The following NCK2 variants were observed in gnomAD, a reference collection of about 807,000 sequenced individuals.
The protein encoded by NCK2 is cytoplasmic protein NCK2.
A neutral mutation model predicts 33.9 loss-of-function variants in NCK2; 16 were observed. The ratio of observed to expected loss-of-function variants is 0.47; its 90% CI spans 0.32 to 0.72. The LOEUF (loss-of-function observed/expected upper bound fraction) is 0.72. NCK2 is among the 30% of genes least tolerant of loss of function. NCK2 has a pLI of 0.03. For synonymous variants in NCK2, 273 were observed against 239.9 expected (o/e 1.14, Z -1.27); for missense variants, 418 against 537.3 (o/e 0.78, Z 2.19).
intron 1 of NCK2, among the ~76,000 whole-genome samples, chr2:105,768,722 A>G (rs1031378125): frequency 2.0e-5 from 3 of 152,146 alleles, no homozygotes; most frequent in East Asian, 1.9e-4. Context: ...AGTGTATTTT[A>G]TGTATGGCCC....
intron 3 of NCK2, among the ~76,000 whole-genome samples, chr2:105,880,335 C>T (rs1347294757): frequency 6.6e-6 from 1 of 152,140 alleles, no homozygotes; most frequent in East Asian, 1.9e-4. Context: ...AAAAAATTTG[C>T]CTTCGATTGA....
intron 1 of NCK2, among the ~76,000 whole-genome samples, chr2:105,748,355 T>A (rs574286613): frequency 1.3e-5 from 2 of 152,302 alleles, no homozygotes; most frequent in South Asian, 4.1e-4. Context: ...GTGTCCCTGA[T>A]TTGTCATCTG....
chr2:105,839,486 G>A (rs766031821), intron 2 of NCK2, among the ~76,000 whole-genome samples: 1 of 152,088 alleles, frequency 6.6e-6, no homozygotes, highest in Non-Finnish European at 1.5e-5. Context: ...AGAGCTTGAG[G>A]GATGAGTCTC....
intron 1 of NCK2, among the ~76,000 whole-genome samples, chr2:105,809,681 T>C (rs1353092823): frequency 6.6e-6 from 1 of 152,226 alleles, no homozygotes; most frequent in African/African-American, 2.4e-5. Context: ...GCAGATGGGA[T>C]GCACTTCATG....
intron 1 of NCK2, among the ~76,000 whole-genome samples, chr2:105,755,748 A>G (rs972550049): frequency 7.2e-5 from 11 of 152,204 alleles, no homozygotes; most frequent in African/African-American, 2.7e-4. Flanking sequence ...AGTTTTGCCT[A>G]ATCAAAGACA....
chr2:105,808,576 C>T (rs768295726), intron 1 of NCK2, among the ~76,000 whole-genome samples: 32 of 152,146 alleles, frequency 2.1e-4, no homozygotes, highest in Non-Finnish European at 4.1e-4. Context: ...ACTACAAATG[C>T]CAGGGCTGGG....
intron 3 of NCK2, among the ~76,000 whole-genome samples, chr2:105,863,345 C>A (rs1442293447): frequency 2.6e-5 from 4 of 152,076 alleles, no homozygotes; most frequent in Admixed American, 2.6e-4. Context: ...TCGTGGAAGC[C>A]GAGTCTAAGC....
intron 1 of NCK2, among the ~76,000 whole-genome samples, chr2:105,751,597 C>T (rs866989369): frequency 3.3e-5 from 5 of 152,146 alleles, no homozygotes; most frequent in South Asian, 2.1e-4. Context: ...TGATGGTTTG[C>T]TAATTGTGAT....
intron 1 of NCK2, among the ~76,000 whole-genome samples, chr2:105,802,444 C>T (rs1032567750): frequency 1.3e-5 from 2 of 152,152 alleles, no homozygotes; most frequent in African/African-American, 4.8e-5. Context: ...ATTTGGTTCA[C>T]GGTTCTGCAG....
chr2:105,865,596 GGGA>G (rs1345035047), intron 3 of NCK2, among the ~76,000 whole-genome samples: 26 of 152,190 alleles, frequency 1.7e-4, no homozygotes, highest in African/African-American at 6.0e-4. Flanking sequence ...CTGGACCCTA[GGGA>G]TTCACGTCTT....
intron 3 of NCK2, 68 bp from the exon 4 acceptor site, chr2:105,881,260 C>G (rs770084359): frequency 2.7e-6 from 4 of 1,509,396 alleles, no homozygotes; most frequent in Admixed American, 2.1e-5. Context: ...CGTGGAAATC[C>G]CGGTAGGCTA....
At chr2:105,832,361 G>T (rs546017897) in intron 2 of NCK2, among the ~76,000 whole-genome samples, 15 of 152,074 alleles carry the variant, frequency 9.9e-5, no homozygotes, top group Non-Finnish European at 1.8e-4. Context: ...ACAATACATT[G>T]AATAAGAGTC....
chr2:105,791,343 C>T (rs151211966), intron 1 of NCK2, among the ~76,000 whole-genome samples: 69 of 152,258 alleles, frequency 4.5e-4, no homozygotes, highest in Middle Eastern at 6.8e-3. Flanking sequence ...TGTGCCTTCA[C>T]GTTTTTCTCT....
chr2:105,790,836 C>T (rs1222874368), intron 1 of NCK2, among the ~76,000 whole-genome samples: 1 of 152,182 alleles, frequency 6.6e-6, no homozygotes, highest in African/African-American at 2.4e-5. Flanking sequence ...GGCCTTTGAG[C>T]TGTGCCCGAA....
intron 2 of NCK2, among the ~76,000 whole-genome samples, chr2:105,835,393 A>ATATGTATATATGTG (rs1553458580): frequency 1.9e-5 from 1 of 51,674 alleles, no homozygotes. Flanking sequence ...ATACACATAT[A>ATATGTATATATGTG]TATATATATA....
chr2:105,807,480 T>A (rs577026610), intron 1 of NCK2, among the ~76,000 whole-genome samples: 1 of 152,150 alleles, frequency 6.6e-6, no homozygotes, highest in East Asian at 1.9e-4. Context: ...ACAGCTGATA[T>A]CTATGTAATT....
intron 1 of NCK2, among the ~76,000 whole-genome samples, chr2:105,764,560 G>T (rs1156866742): frequency 2.6e-5 from 4 of 152,300 alleles, no homozygotes; most frequent in African/African-American, 9.6e-5. Flanking sequence ...CCCAGGTGGG[G>T]TTTCAGCAGT....
At position 105,828,620 on chromosome 2, in the gene NCK2, A is replaced by G. The variant is rs529635164; in HGVS notation, c.-17+12007A>G. On this transcript the variant is annotated intron_variant, in intron 2 of 4. Coordinates refer to ENST00000233154, the MANE Select transcript of NCK2 (RefSeq NM_003581.5). Reference sequence around the variant, plus strand: ...GCAAATGAAATACCTATTTTCATGAATCTAGACACACAAGCACTAACCCTG... The same window carrying G: ...GCAAATGAAATACCTATTTTCATGAGTCTAGACACACAAGCACTAACCCTG... 1.3e-3 allele frequency among the ~76,000 whole-genome samples: 191 copies of G among 152,366 alleles called. 1 individual carries two copies. Among genetic ancestry groups the G allele is most frequent in the Non-Finnish European group, 2.4e-3 (163 of 68,036 alleles).
At chr2:105,862,843 A>G (rs1475236820) in intron 3 of NCK2, among the ~76,000 whole-genome samples, 1 of 152,234 alleles carries the variant, frequency 6.6e-6, no homozygotes, top group Non-Finnish European at 1.5e-5. Context: ...AAGCAGACAT[A>G]TCAGCAGTGG....
Sources: gnomAD v4.1 joint callset for allele counts (sites outside exome capture counted in the v4.1 genomes callset) on GRCh38, gnomAD v4.1.1 for gene constraint, MANE v1.5 for transcripts, NCBI Gene and HGNC (gene_info 2026-07-23, HGNC 2026-07-21) for gene names.